Variants in ADGRB3 observed in about 807,000 individuals in gnomAD.
The protein encoded by ADGRB3 is brain-specific angiogenesis inhibitor 3.
ADGRB3 carries 37 observed loss-of-function variants against 193.4 expected under a neutral mutation model. The ratio of observed to expected loss-of-function variants is 0.19; its 90% CI spans 0.15 to 0.25. ADGRB3 has a LOEUF of 0.25. Among genes scored for constraint, ADGRB3 ranks in the 10% least tolerant of loss-of-function variants. The pLI is 1.00. For missense variants in ADGRB3, 1,637 were observed against 1,852.9 expected (o/e 0.88, Z 2.14); for synonymous variants, 690 against 644.2 (o/e 1.07, Z -1.08).
At chr6:68,937,855 A>G (rs1322685278) in intron 5 of ADGRB3, among the ~76,000 whole-genome samples, 1 of 152,228 alleles carries the variant, frequency 6.6e-6, no homozygotes, top group Non-Finnish European at 1.5e-5. Flanking sequence ...TCACAACATT[A>G]TGAATATAGG....
chr6:68,728,854 T>G (rs1765721344), intron 3 of ADGRB3, among the ~76,000 whole-genome samples: 1 of 151,538 alleles, frequency 6.6e-6, no homozygotes, highest in Non-Finnish European at 1.5e-5. Flanking sequence ...GGCCTTGATT[T>G]TAATAGGGAA....
At chr6:69,332,886 A>G (rs755351060) in intron 23 of ADGRB3, 37 bp from the exon 24 acceptor site, 48 of 1,609,846 alleles carry the variant, frequency 3.0e-5, no homozygotes, top group Non-Finnish European at 3.7e-5. Context: ...ATTCCCTTCA[A>G]TATCATTGAA....
chr6:69,040,309 C>CTTTCTTTCTT (rs1562133021), intron 13 of ADGRB3, among the ~76,000 whole-genome samples: 1 of 26,924 alleles, frequency 3.7e-5, no homozygotes, highest in South Asian at 2.3e-3. Context: ...TTCTCTGTCT[C>CTTTCTTTCTT]TTTCTTTCTT....
chr6:69,329,403 A>T (rs950451668), intron 22 of ADGRB3, among the ~76,000 whole-genome samples: 2 of 152,218 alleles, frequency 1.3e-5, no homozygotes, highest in Admixed American at 6.5e-5. Flanking sequence ...ATGCTGATAT[A>T]GTATCTCTTT....
intron 11 of ADGRB3, among the ~76,000 whole-genome samples, chr6:68,995,849 C>T (rs556097875): frequency 6.6e-6 from 1 of 152,220 alleles, no homozygotes; most frequent in African/African-American, 2.4e-5. Context: ...GATGACCAAC[C>T]CCCACCTTTA....
At chr6:69,214,578 C>T (rs115538485) in intron 17 of ADGRB3, among the ~76,000 whole-genome samples, 16 of 151,876 alleles carry the variant, frequency 1.1e-4, no homozygotes, top group African/African-American at 3.9e-4. Context: ...AAGACTAGAT[C>T]CCCCAAATCT....
Position 68,638,897 on chromosome 6 carries a change from C to T in ADGRB3, c.222C>T (p.Ser74=). ...PTKYSIYLKF[S]KKDLSCSNFS... ...AATATAGCATTTACCTGAAATTTTC[C>T]AAAAAGGACCTTAGCTGCTCTAACT... Residue 74 remains serine, a synonymous_variant, in exon 3 of 32, where the codon TCC becomes TCT. Transcript: ENST00000370598. 1 of 1,614,020 alleles carries T rather than the reference C, an allele frequency of 6.2e-7. No individual in the cohort carries two copies. Among genetic ancestry groups the T allele is most frequent in the Non-Finnish European group, 8.5e-7 (1 of 1,180,006 alleles).
chr6:68,841,402 C>T (rs1418819129), intron 3 of ADGRB3, among the ~76,000 whole-genome samples: 1 of 152,036 alleles, frequency 6.6e-6, no homozygotes, highest in African/African-American at 2.4e-5. Context: ...TATCAGGTAC[C>T]TTCTCTGGCC....
intron 3 of ADGRB3, among the ~76,000 whole-genome samples, chr6:68,788,366 G>C (rs185522733): frequency 6.6e-6 from 1 of 151,906 alleles, no homozygotes; most frequent in African/African-American, 2.4e-5. Context: ...CTTTGTTCTC[G>C]TTGGTTTCAA....
chr6:69,101,752 T>C (rs1582461699), intron 17 of ADGRB3, among the ~76,000 whole-genome samples: 1 of 152,156 alleles, frequency 6.6e-6, no homozygotes, highest in South Asian at 2.1e-4. Context: ...CCCTATAGGA[T>C]AGTATCATCC....
chr6:69,221,387 G>A (rs73469312), intron 17 of ADGRB3, among the ~76,000 whole-genome samples: 1 of 152,206 alleles, frequency 6.6e-6, no homozygotes, highest in African/African-American at 2.4e-5. Flanking sequence ...AGTAAGCACA[G>A]ACTTATATTG....
intron 22 of ADGRB3, among the ~76,000 whole-genome samples, chr6:69,329,613 T>G (rs1161159446): frequency 6.6e-6 from 1 of 152,252 alleles, no homozygotes. Flanking sequence ...TTACTGCTTT[T>G]GAAGGCAGCA....
In ADGRB3 at chr6:68,843,995, A is replaced by C. The variant is rs1582247601; in HGVS notation, c.758-86564A>C. 2.6e-5 allele frequency among the ~76,000 whole-genome samples: 4 copies of C among 152,298 alleles called. No individual in the cohort carries two copies. The South Asian group carries it at 8.3e-4, about 32-fold the overall frequency. ...GGCAGAAGAATAAAACTAGATTCCT[A>C]TCTCTCACATATACAAATATCAAAT... On this transcript the variant is annotated intron_variant, in intron 3 of 31. Transcript: ENST00000370598.
chr6:69,028,651 G>A (rs1354766416), intron 13 of ADGRB3, among the ~76,000 whole-genome samples: 2 of 151,982 alleles, frequency 1.3e-5, no homozygotes, highest in African/African-American at 2.4e-5. Context: ...ACTATTCATG[G>A]TGTCACTATT....
chr6:69,080,348 G>A (rs1039855166), intron 17 of ADGRB3, among the ~76,000 whole-genome samples: 3 of 151,818 alleles, frequency 2.0e-5, no homozygotes, highest in Non-Finnish European at 4.4e-5. Context: ...TACTATTATT[G>A]GATAGCCAAC....
intron 3 of ADGRB3, among the ~76,000 whole-genome samples, chr6:68,914,308 C>T (rs1398079883): frequency 1.3e-5 from 2 of 151,892 alleles, no homozygotes; most frequent in African/African-American, 4.8e-5. Flanking sequence ...GTCGGGTTAC[C>T]CACAAAGGGA....
At chr6:68,765,535 T>TACACACAC (rs764056551) in intron 3 of ADGRB3, among the ~76,000 whole-genome samples, 1 of 64,272 alleles carries the variant, frequency 1.6e-5, no homozygotes. Flanking sequence ...TATATTCTTA[T>TACACACAC]AGACACACAC....
intron 3 of ADGRB3, among the ~76,000 whole-genome samples, chr6:68,901,242 G>A (rs1415256778): frequency 6.6e-6 from 1 of 152,070 alleles, no homozygotes; most frequent in Non-Finnish European, 1.5e-5. Context: ...TGATGTTAGT[G>A]GGTGGAGGGG....
intron 3 of ADGRB3, among the ~76,000 whole-genome samples, chr6:68,701,713 CA>C (rs1235400635): frequency 6.6e-6 from 1 of 152,054 alleles, no homozygotes; most frequent in Admixed American, 6.6e-5. Context: ...ACAACAGGAC[CA>C]AAACAGGTTC....
Sources: allele counts gnomAD v4.1 joint callset (sites outside exome capture counted in the v4.1 genomes callset), GRCh38; gene constraint gnomAD v4.1.1; transcripts MANE v1.5; gene names NCBI Gene and HGNC (gene_info 2026-07-23, HGNC 2026-07-21).